Variants in DPYSL3 observed in about 807,000 individuals in gnomAD.
The protein encoded by DPYSL3 is dihydropyrimidinase-related protein 3.
DPYSL3 carries 16 observed loss-of-function variants against 66.1 expected under a neutral mutation model. The ratio of observed to expected loss-of-function variants is 0.24; its 90% CI spans 0.16 to 0.37. The LOEUF is 0.37. Ranked by LOEUF, DPYSL3 falls within the 10% of genes least tolerant of loss-of-function variation. DPYSL3 has a pLI of 1.00. For synonymous variants in DPYSL3, 338 were observed against 345.1 expected (o/e 0.98, Z 0.23); for missense variants, 738 against 916.2 (o/e 0.81, Z 2.51).
intron 1 of DPYSL3, among the ~76,000 whole-genome samples, chr5:147,446,937 G>A (rs1752639912): frequency 6.6e-6 from 1 of 152,192 alleles, no homozygotes; most frequent in African/African-American, 2.4e-5. Context: ...GGCGGGAGGA[G>A]GTAGTCACCT....
chr5:147,454,463 G>A (rs1010629249), intron 1 of DPYSL3, among the ~76,000 whole-genome samples: 2 of 152,246 alleles, frequency 1.3e-5, no homozygotes, highest in African/African-American at 4.8e-5. Context: ...GGGCACGGTA[G>A]CAGTGGACTC....
intron 1 of DPYSL3, among the ~76,000 whole-genome samples, chr5:147,487,648 A>G (rs1445845748): frequency 6.6e-6 from 1 of 152,176 alleles, no homozygotes; most frequent in Non-Finnish European, 1.5e-5. Context: ...CATGTTGTCT[A>G]TGGCTGCTTT....
chr5:147,397,598 G>T, intron 12 of DPYSL3, 68 bp downstream of exon 12: 2 of 1,519,040 alleles, frequency 1.3e-6, no homozygotes, highest in Non-Finnish European at 9.0e-7. Flanking sequence ...TGTGTTCATG[G>T]TTACTATCTC....
At chr5:147,395,413 C>A in intron 13 of DPYSL3, 146 bp downstream of exon 13, 1 of 960,504 alleles carries the variant, frequency 1.0e-6, no homozygotes, top group South Asian at 1.7e-5. Flanking sequence ...TTCCTGCTTG[C>A]CCCAGTAACC....
intron 1 of DPYSL3, among the ~76,000 whole-genome samples, chr5:147,454,509 A>G (rs1035185790): frequency 6.6e-6 from 1 of 152,210 alleles, no homozygotes; most frequent in Non-Finnish European, 1.5e-5. Context: ...TCCAAGTAGT[A>G]TCTTGTTAAA....
intron 1 of DPYSL3, among the ~76,000 whole-genome samples, chr5:147,432,360 G>T (rs929054922): frequency 6.6e-6 from 1 of 152,186 alleles, no homozygotes; most frequent in Non-Finnish European, 1.5e-5. Context: ...CTGCTCTGTT[G>T]TCTGAACTGG....
In DPYSL3 at chr5:147,504,202, A is replaced by C. The variant is rs72833366; in HGVS notation, c.381+5276T>G. On this transcript the variant is annotated intron_variant, in intron 1 of 13. Coordinates refer to ENST00000343218, the MANE Select transcript of DPYSL3 (RefSeq NM_001197294.2). The stretch of plus-strand genomic sequence containing the variant: ...AAGAGTCACTGACTGAAATCATCAG[A>C]GACAGTGTTCTGGCTGCCTTAAACA... Among the ~76,000 whole-genome samples the C allele has an allele frequency of 8.6e-3, 1,303 of 152,324 alleles. 31 individuals are homozygous for C. Among genetic ancestry groups the C allele is most frequent in the Non-Finnish European group, 7.0e-3 (473 of 68,032 alleles).
chr5:147,402,409 G>A (rs1321391139), intron 8 of DPYSL3, among the ~76,000 whole-genome samples: 3 of 133,974 alleles, frequency 2.2e-5, no homozygotes, highest in African/African-American at 7.8e-5. Flanking sequence ...GTGCAGTGGC[G>A]CGATCTCGGC....
intron 2 of DPYSL3, among the ~76,000 whole-genome samples, chr5:147,421,172 G>A (rs903464549): frequency 6.6e-6 from 1 of 152,132 alleles, no homozygotes; most frequent in Non-Finnish European, 1.5e-5. Context: ...CAAAGTCTCA[G>A]GATAAAAATC....
At chr5:147,493,829 C>A (rs1753456580) in intron 1 of DPYSL3, among the ~76,000 whole-genome samples, 1 of 152,124 alleles carries the variant, frequency 6.6e-6, no homozygotes, top group Non-Finnish European at 1.5e-5. Context: ...TGCTCTTGGA[C>A]CACAATGGAA....
chr5:147,451,034 AG>A (rs1178178457), intron 1 of DPYSL3, among the ~76,000 whole-genome samples: 2 of 152,238 alleles, frequency 1.3e-5, no homozygotes, highest in Non-Finnish European at 2.9e-5. Context: ...TATCTAGAAA[AG>A]GTACCTCAAC....
chr5:147,464,554 G>A (rs529712018), intron 1 of DPYSL3, among the ~76,000 whole-genome samples: 5 of 152,268 alleles, frequency 3.3e-5, no homozygotes, highest in African/African-American at 1.2e-4. Context: ...GCTGTTACAC[G>A]ATAAAAGAAA....
rs547920956 is a variant in DPYSL3, at chr5:147,503,347, C to A, written c.381+6131G>T. Reference sequence around the variant, plus strand: ...CTTTTTAAAGACAGGGTCTCACTGTCGCCTCTTCCAGTCATGGCTGGCTGC... The same window carrying A: ...CTTTTTAAAGACAGGGTCTCACTGTAGCCTCTTCCAGTCATGGCTGGCTGC... On this transcript the variant is annotated intron_variant, in intron 1 of 13. Transcript: ENST00000343218. 5.9e-5 allele frequency among the ~76,000 whole-genome samples: 9 copies of A among 152,274 alleles called. No individual in the cohort carries two copies. In the South Asian group the frequency reaches 1.4e-3, roughly 25 times the overall value.
chr5:147,464,311 C>G (rs752777316), intron 1 of DPYSL3, among the ~76,000 whole-genome samples: 1 of 152,180 alleles, frequency 6.6e-6, no homozygotes, highest in Non-Finnish European at 1.5e-5. Flanking sequence ...CTTTTACCTT[C>G]ACTCCCAGGG....
At chr5:147,395,421 A>G in intron 13 of DPYSL3, 138 bp downstream of exon 13, 1 of 1,053,014 alleles carries the variant, frequency 9.5e-7, no homozygotes, top group African/African-American at 1.6e-5. Flanking sequence ...TGCCCCAGTA[A>G]CCTTCTCCCT....
chr5:147,405,574 C>T, intron 8 of DPYSL3, 36 bp downstream of exon 8: 1 of 1,594,288 alleles, frequency 6.3e-7, no homozygotes, highest in Non-Finnish European at 8.5e-7. Flanking sequence ...CACACAGTGC[C>T]ATCAGGGGCT....
chr5:147,400,638 C>A, intron 10 of DPYSL3, 54 bp downstream of exon 10: 1 of 1,595,074 alleles, frequency 6.3e-7, no homozygotes, highest in Non-Finnish European at 8.6e-7. Context: ...AGGTTCTGAT[C>A]TGGCCCATGG....
chr5:147,495,546 A>G (rs965997421), intron 1 of DPYSL3, among the ~76,000 whole-genome samples: 2 of 152,334 alleles, frequency 1.3e-5, no homozygotes, highest in East Asian at 1.9e-4. Flanking sequence ...CAACTTCAGC[A>G]AAGTCTCAGG....
intron 4 of DPYSL3, among the ~76,000 whole-genome samples, chr5:147,414,728 C>CCAAAGATTTTG (rs1272706133): frequency 6.6e-6 from 1 of 152,160 alleles, no homozygotes; most frequent in Non-Finnish European, 1.5e-5. Context: ...TTCTGTGTCA[C>CCAAAGATTTTG]CAAAGATTTT....
Sources: gnomAD v4.1 joint callset for allele counts (sites outside exome capture counted in the v4.1 genomes callset) on GRCh38, gnomAD v4.1.1 for gene constraint, MANE v1.5 for transcripts, NCBI Gene and HGNC (gene_info 2026-07-23, HGNC 2026-07-21) for gene names.